Variants in NTRK3 observed in about 807,000 individuals in gnomAD.
NTRK3 encodes the protein neurotrophic receptor tyrosine kinase 3, also known as NT-3 growth factor receptor.
In NTRK3, 24 loss-of-function variants were observed where a neutral mutation model predicts 91.7. The ratio of observed to expected loss-of-function variants is 0.26; its 90% CI spans 0.19 to 0.37. The LOEUF is 0.37. Among genes scored for constraint, NTRK3 ranks in the 10% least tolerant of loss-of-function variants. The probability of loss-of-function intolerance (pLI) is 1.00; values close to 1 mark genes in which losing one functional copy is unlikely to be tolerated. For missense variants in NTRK3, 880 were observed against 1,068.9 expected, an observed-to-expected ratio of 0.82 and a Z score of 2.46; for synonymous variants, 483 against 404.0, an observed-to-expected ratio of 1.20 and a Z score of -2.34.
chr15:88,077,178 T>A (rs1443599019), intron 13 of NTRK3, among the ~76,000 whole-genome samples: 2 of 152,126 alleles, frequency 1.3e-5, no homozygotes, highest in Non-Finnish European at 2.9e-5. Context: ...TGGATGGATA[T>A]AAATATTTCT....
intron 14 of NTRK3, among the ~76,000 whole-genome samples, chr15:87,968,563 G>A (rs2072986753): frequency 6.6e-6 from 1 of 152,132 alleles, no homozygotes; most frequent in African/African-American, 2.4e-5. Context: ...CGAAAGTATT[G>A]ATATCTTCAA....
chr15:88,161,494 C>A (rs554096115), intron 5 of NTRK3, among the ~76,000 whole-genome samples: 2 of 152,278 alleles, frequency 1.3e-5, no homozygotes, highest in South Asian at 4.1e-4. Context: ...GGAAAGCCTT[C>A]CTCACCCCCA....
At chr15:88,195,850 G>A (rs763421008) in intron 3 of NTRK3, among the ~76,000 whole-genome samples, 1 of 152,234 alleles carries the variant, frequency 6.6e-6, no homozygotes, top group African/African-American at 2.4e-5. Flanking sequence ...ATCCAATAGT[G>A]CGAGCTCTGT....
At chr15:87,931,440 A>G (rs1211438142) in intron 16 of NTRK3, among the ~76,000 whole-genome samples, 4 of 152,258 alleles carry the variant, frequency 2.6e-5, no homozygotes, top group Non-Finnish European at 4.4e-5. Context: ...AACTACTTGC[A>G]AAACTTGTCT....
intron 3 of NTRK3, among the ~76,000 whole-genome samples, chr15:88,197,121 A>AC (rs2047906248): frequency 6.9e-6 from 1 of 144,802 alleles, no homozygotes; most frequent in Non-Finnish European, 1.5e-5. Flanking sequence ...AAAAAAAAAA[A>AC]AAAAAACCTC....
At chr15:88,167,416 T>G in intron 5 of NTRK3, among the ~76,000 whole-genome samples, 1 of 152,148 alleles carries the variant, frequency 6.6e-6, no homozygotes, top group South Asian at 2.1e-4. Context: ...GAGCTAGAAC[T>G]TGAAAAAGTC....
chr15:88,022,722 C>T lies in NTRK3; in HGVS notation c.1585+10135G>A, dbSNP rs1019841151. ...GGGAAATGACATTACTCCAAGCTGG[C>T]TGGGGGTCTCATCATTCTTCCCCTC... On this transcript the variant is annotated intron_variant, in intron 14 of 18. Coordinates refer to ENST00000394480, the Ensembl canonical transcript of NTRK3. Among the ~76,000 whole-genome samples, 9 of 152,170 alleles carry T rather than the reference C, an allele frequency of 5.9e-5. 1 individual carries two copies. Among genetic ancestry groups the T allele is most frequent in the African/African-American group, 2.2e-4 (9 of 41,436 alleles).
At chr15:88,183,096 T>A (rs1241693839) in intron 5 of NTRK3, among the ~76,000 whole-genome samples, 1 of 143,894 alleles carries the variant, frequency 6.9e-6, no homozygotes, top group African/African-American at 2.6e-5. Context: ...GTATTCACAT[T>A]ACATATGAGT....
intron 13 of NTRK3, among the ~76,000 whole-genome samples, chr15:88,119,516 A>C (rs1051966181): frequency 2.0e-5 from 3 of 152,208 alleles, no homozygotes; most frequent in African/African-American, 4.8e-5. Context: ...ATTTGTTAGG[A>C]GAATACGAGG....
intron 14 of NTRK3, among the ~76,000 whole-genome samples, chr15:87,955,900 G>A (rs745633834): frequency 7.9e-5 from 12 of 152,098 alleles, no homozygotes; most frequent in Non-Finnish European, 1.5e-4. Flanking sequence ...TCAGGAACTG[G>A]GCTAGGGTCT....
chr15:88,227,100 T>G lies in NTRK3; in HGVS notation c.248+28806A>C, dbSNP rs76061447. ...AGAGATGAACGATGGTGCCCCAGCCTTCCAGGAAATCTCAGCTTCAGTTTG... is the reference window on the plus strand; with the variant it reads ...AGAGATGAACGATGGTGCCCCAGCCGTCCAGGAAATCTCAGCTTCAGTTTG... On this transcript the variant is annotated intron_variant, in intron 3 of 18. Coordinates refer to ENST00000394480, the Ensembl canonical transcript of NTRK3. 2.3e-3 allele frequency among the ~76,000 whole-genome samples: 347 copies of G among 152,280 alleles called. 6 individuals are homozygous for G. Among genetic ancestry groups the G allele is most frequent in the East Asian group, 0.021 (107 of 5,170 alleles).
intron 5 of NTRK3, among the ~76,000 whole-genome samples, chr15:88,160,420 G>A (rs1241234718): frequency 3.9e-5 from 6 of 152,166 alleles, no homozygotes; most frequent in South Asian, 2.1e-4. Context: ...TAGAGGCTTG[G>A]GGCAGAGTCA....
chr15:88,005,393 T>C lies in NTRK3; in HGVS notation c.1585+27464A>G, dbSNP rs759948349. ...GGGGACAGGCTTTCCTAGGCAATTGTTCCAAACAGCTGTCAGTGACTTTGT... is the reference window on the plus strand; with the variant it reads ...GGGGACAGGCTTTCCTAGGCAATTGCTCCAAACAGCTGTCAGTGACTTTGT... On this transcript the variant is annotated intron_variant, in intron 14 of 18. Coordinates refer to ENST00000394480, the Ensembl canonical transcript of NTRK3. Among the ~76,000 whole-genome samples, 3 of 152,240 alleles carry C rather than the reference T, an allele frequency of 2.0e-5. 1 individual carries two copies. The South Asian group carries it at 6.2e-4, about 32-fold the overall frequency.
chr15:88,092,912 G>C (rs2070431924), intron 13 of NTRK3, among the ~76,000 whole-genome samples: 1 of 152,044 alleles, frequency 6.6e-6, no homozygotes, highest in Admixed American at 6.5e-5. Flanking sequence ...GACCTACCTG[G>C]ATAATCCAGG....
chr15:88,011,325 G>C (rs2076867329), intron 14 of NTRK3, among the ~76,000 whole-genome samples: 1 of 152,140 alleles, frequency 6.6e-6, no homozygotes, highest in South Asian at 2.1e-4. Flanking sequence ...AATCAAAATA[G>C]ACAGGATTTA....
chr15:88,153,020 C>T (rs570267684), intron 5 of NTRK3, among the ~76,000 whole-genome samples: 35 of 152,302 alleles, frequency 2.3e-4, no homozygotes, highest in African/African-American at 8.2e-4. Flanking sequence ...CTCTTTTGAG[C>T]ACCGTTTGGT....
At chr15:88,025,507 CTA>C (rs759782213) in intron 14 of NTRK3, among the ~76,000 whole-genome samples, 5 of 152,178 alleles carry the variant, frequency 3.3e-5, no homozygotes, top group Non-Finnish European at 7.3e-5. Flanking sequence ...GCCCCTAAAA[CTA>C]TATGTCTGGT....
chr15:88,093,655 C>G (rs1171307139), intron 13 of NTRK3, among the ~76,000 whole-genome samples: 2 of 152,138 alleles, frequency 1.3e-5, no homozygotes, highest in African/African-American at 4.8e-5. Context: ...AACATGTGGT[C>G]TGATCCCTGA....
intron 14 of NTRK3, among the ~76,000 whole-genome samples, chr15:88,031,151 G>A (rs1421666139): frequency 1.1e-4 from 16 of 152,182 alleles, no homozygotes; most frequent in Non-Finnish European, 1.6e-4. Flanking sequence ...ATATGACAAG[G>A]TTATGTATTG....
Sources: gnomAD v4.1 joint callset for allele counts (sites outside exome capture counted in the v4.1 genomes callset) on GRCh38, gnomAD v4.1.1 for gene constraint, MANE v1.5 for transcripts, NCBI Gene and HGNC (gene_info 2026-07-23, HGNC 2026-07-21) for gene names.